The following PTPRD variants were observed in gnomAD, a reference collection of about 807,000 sequenced individuals.
PTPRD encodes the protein receptor-type tyrosine-protein phosphatase delta.
PTPRD carries 34 observed loss-of-function variants against 214.5 expected under a neutral mutation model. The observed-to-expected ratio is 0.16, with a 90% CI of 0.12 to 0.21. PTPRD has a LOEUF of 0.21. Among genes scored for constraint, PTPRD ranks in the 10% least tolerant of loss-of-function variants. The probability of loss-of-function intolerance (pLI) is 1.00; values close to 1 mark genes in which losing one functional copy is unlikely to be tolerated. For synonymous variants in PTPRD, 1,128 were observed against 845.7 expected, an observed-to-expected ratio of 1.33 and a Z score of -5.79; for missense variants, 2,545 against 2,398.7, an observed-to-expected ratio of 1.06 and a Z score of -1.27.
At chr9:9,346,893 A>C (rs1348127752) in intron 9 of PTPRD, among the ~76,000 whole-genome samples, 1 of 151,986 alleles carries the variant, frequency 6.6e-6, no homozygotes, top group Non-Finnish European at 1.5e-5. Context: ...GGGTTTCACC[A>C]TGTTGGCCAG....
At chr9:8,329,108 C>T (rs1044331043) in intron 44 of PTPRD, among the ~76,000 whole-genome samples, 11 of 152,046 alleles carry the variant, frequency 7.2e-5, no homozygotes, top group African/African-American at 2.2e-4. Flanking sequence ...GGAGAAGAGG[C>T]GTGCTGGTTT....
chr9:9,224,287 T>G (rs1297681490), intron 9 of PTPRD, among the ~76,000 whole-genome samples: 2 of 151,990 alleles, frequency 1.3e-5, no homozygotes, highest in East Asian at 3.9e-4. Flanking sequence ...AAATGTATTG[T>G]GTTTGCTGGA....
chr9:8,642,582 G>A (rs1329498847), intron 12 of PTPRD, among the ~76,000 whole-genome samples: 1 of 152,130 alleles, frequency 6.6e-6, no homozygotes, highest in Non-Finnish European at 1.5e-5. Context: ...TAAGCGTCAG[G>A]ATGAGAGCTC....
intron 8 of PTPRD, among the ~76,000 whole-genome samples, chr9:9,553,350 C>T (rs736042): frequency 0.35 from 53,396 of 151,830 alleles, 9,709 homozygotes; most frequent in African/African-American, 0.42. Context: ...CCAACACTTA[C>T]TAAGCAGCAT....
chr9:8,769,155 A>C (rs569782407), intron 11 of PTPRD, among the ~76,000 whole-genome samples: 1 of 152,376 alleles, frequency 6.6e-6, no homozygotes, highest in Admixed American at 6.5e-5. Context: ...AGCATGAAGA[A>C]AAACTAATAA....
chr9:8,702,757 G>A (rs1287155164), intron 12 of PTPRD, among the ~76,000 whole-genome samples: 2 of 152,148 alleles, frequency 1.3e-5, no homozygotes, highest in East Asian at 1.9e-4. Context: ...ACAGGCGCCC[G>A]CCACTACGCC....
chr9:8,382,866 T>G (rs1273180242), intron 37 of PTPRD, among the ~76,000 whole-genome samples: 1 of 152,180 alleles, frequency 6.6e-6, no homozygotes, highest in Non-Finnish European at 1.5e-5. Context: ...AGGCTGCAGT[T>G]TGAGAAATTA....
intron 5 of PTPRD, among the ~76,000 whole-genome samples, chr9:9,786,921 GA>G (rs1327226385): frequency 6.6e-6 from 1 of 152,022 alleles, no homozygotes; most frequent in East Asian, 1.9e-4. Context: ...GAGGCAGGTG[GA>G]TCAGGAGTTT....
chr9:10,045,183 C>T (rs2097366280), intron 3 of PTPRD, among the ~76,000 whole-genome samples: 1 of 151,724 alleles, frequency 6.6e-6, no homozygotes, highest in Non-Finnish European at 1.5e-5. Flanking sequence ...TCTATTTTAA[C>T]TTTTCTTTGG....
intron 11 of PTPRD, among the ~76,000 whole-genome samples, chr9:9,002,618 C>T (rs2099428684): frequency 6.6e-6 from 1 of 152,000 alleles, no homozygotes; most frequent in Non-Finnish European, 1.5e-5. Flanking sequence ...ATTTATATTA[C>T]TTGATATTTT....
At chr9:8,397,114 T>C (rs1283436878) in intron 36 of PTPRD, among the ~76,000 whole-genome samples, 1 of 152,068 alleles carries the variant, frequency 6.6e-6, no homozygotes, top group African/African-American at 2.4e-5. Flanking sequence ...ACAGGATTTA[T>C]TGTTTTTAAA....
intron 9 of PTPRD, among the ~76,000 whole-genome samples, chr9:9,188,003 C>CA (rs2131685505): frequency 6.6e-6 from 1 of 151,858 alleles, no homozygotes; most frequent in South Asian, 2.1e-4. Context: ...GGGTAAACAC[C>CA]ACCCACGTCA....
intron 5 of PTPRD, among the ~76,000 whole-genome samples, chr9:9,838,532 T>A (rs989022779): frequency 6.6e-6 from 1 of 152,166 alleles, no homozygotes; most frequent in Non-Finnish European, 1.5e-5. Flanking sequence ...ATGGTGAGCA[T>A]TTTTTCATGT....
intron 7 of PTPRD, among the ~76,000 whole-genome samples, chr9:9,690,252 C>T (rs2097245605): frequency 1.3e-5 from 2 of 151,784 alleles, no homozygotes; most frequent in Admixed American, 1.3e-4. Flanking sequence ...TGTTGATCAC[C>T]TTTTTATATA....
intron 3 of PTPRD, among the ~76,000 whole-genome samples, chr9:10,282,201 C>A (rs948908186): frequency 1.3e-5 from 2 of 152,074 alleles, no homozygotes; most frequent in African/African-American, 4.8e-5. Context: ...TACTTAATAT[C>A]CTTTGCTCTC....
At chr9:9,046,836 C>T (rs892363876) in intron 10 of PTPRD, among the ~76,000 whole-genome samples, 42 of 152,060 alleles carry the variant, frequency 2.8e-4, no homozygotes, top group Non-Finnish European at 1.6e-4. Context: ...AAACTGAAAG[C>T]CTTTCTTCTA....
intron 33 of PTPRD, among the ~76,000 whole-genome samples, chr9:8,454,265 G>T (rs10739165): frequency 0.46 from 69,287 of 152,044 alleles, 16,340 homozygotes; most frequent in East Asian, 0.58. Context: ...CACCTCACAT[G>T]TCTGCTCTGT....
At chr9:9,503,675 A>G (rs745545051) in intron 8 of PTPRD, among the ~76,000 whole-genome samples, 1 of 151,800 alleles carries the variant, frequency 6.6e-6, no homozygotes, top group Admixed American at 6.6e-5. Flanking sequence ...GTAAGTTCTC[A>G]GAATCAAAGT....
In PTPRD at chr9:10,145,063, A is replaced by T. The variant is rs143704559; in HGVS notation, c.-544-111273T>A. Among the ~76,000 whole-genome samples the T allele has an allele frequency of 2.1e-3, 314 of 152,238 alleles. 1 individual carries two copies. Among genetic ancestry groups the T allele is most frequent in the African/African-American group, 6.3e-3 (261 of 41,550 alleles). The stretch of plus-strand genomic sequence containing the variant: ...GATTTTTCAAAAAATTAATTTTTAT[A>T]TATATTCAGTATCCCCCCACGAAAA... On this transcript the variant is annotated intron_variant, in intron 3 of 45. Transcript: ENST00000381196.
Sources: gnomAD v4.1 joint callset for allele counts (sites outside exome capture counted in the v4.1 genomes callset) on GRCh38, gnomAD v4.1.1 for gene constraint, MANE v1.5 for transcripts, NCBI Gene and HGNC (gene_info 2026-07-23, HGNC 2026-07-21) for gene names.